HEATR4: variants seen among roughly 807,000 people sequenced by gnomAD.
HEATR4 encodes HEAT repeat-containing protein 4.
A neutral mutation model predicts 108.8 loss-of-function variants in HEATR4; 95 were observed. The observed-to-expected ratio is 0.87, with a 90% CI of 0.74 to 1.04. The LOEUF (loss-of-function observed/expected upper bound fraction) is 1.04. Ranked by LOEUF, HEATR4 falls within the 50% of genes least tolerant of loss-of-function variation. The pLI, the probability that HEATR4 is intolerant of heterozygous loss-of-function variation, is 0.00. For missense variants in HEATR4, 1,152 were observed against 1,253.8 expected (o/e 0.92, Z 1.23); for synonymous variants, 443 against 459.4 (o/e 0.96, Z 0.46).
At chr14:73,518,363 C>A (rs1344520458) in intron 5 of HEATR4, among the ~76,000 whole-genome samples, 1 of 150,784 alleles carries the variant, frequency 6.6e-6, no homozygotes, top group African/African-American at 2.4e-5. Context: ...GAGATCACGC[C>A]ACTGCACTCC....
chr14:73,491,737 A>C, intron 17 of HEATR4: 2 of 1,554,110 alleles, frequency 1.3e-6, no homozygotes, highest in East Asian at 2.4e-5. Context: ...ACTACCAGGG[A>C]CTTTTCTCTA....
the HEATR4 span, among the ~76,000 whole-genome samples, chr14:73,627,439 T>C: frequency 6.6e-6 from 1 of 152,174 alleles, no homozygotes; most frequent in Non-Finnish European, 1.5e-5. Flanking sequence ...TTTTCAGAAC[T>C]TCTGACTAAC....
chr14:73,630,035 A>C, the HEATR4 span, among the ~76,000 whole-genome samples: 2 of 152,122 alleles, frequency 1.3e-5, no homozygotes, highest in Non-Finnish European at 2.9e-5. Context: ...AAAAAAATAA[A>C]AAATAAAAAA....
chr14:73,561,379 G>GA (rs779545399), upstream of HEATR4, among the ~76,000 whole-genome samples: 25 of 147,718 alleles, frequency 1.7e-4, 1 homozygote, highest in Admixed American at 2.7e-4. Flanking sequence ...AAAAAAGAAA[G>GA]AAAAAAAAAG....
chr14:73,574,651 G>A, the HEATR4 span, among the ~76,000 whole-genome samples: 1 of 152,030 alleles, frequency 6.6e-6, no homozygotes, highest in African/African-American at 2.4e-5. Flanking sequence ...AAGATCATGG[G>A]AGATACGAGA....
chr14:73,605,107 A>G, the HEATR4 span, among the ~76,000 whole-genome samples: 2 of 152,166 alleles, frequency 1.3e-5, no homozygotes, highest in Non-Finnish European at 2.9e-5. Flanking sequence ...AAGAAAAAAA[A>G]AAAACCTTTT....
In HEATR4 at chr14:73,500,699, G is replaced by C; in HGVS notation, c.2137C>G (p.Arg713Gly). 1 of 1,613,942 alleles carries C rather than the reference G, an allele frequency of 6.2e-7. No homozygotes were observed. Among genetic ancestry groups the C allele is most frequent in the African/African-American group, 1.3e-5 (1 of 75,012 alleles). ...VKLGQGNSQE[R>G]VEALYLIGEL... ...CCTATCAGGTAGAGAGCTTCCACAC[G>C]CTCCTGGGAATTTCCTTGACCTAGC... The change falls in exon 12 of 18, where the codon CGT becomes GGT. Residue 713 changes from arginine (R) to glycine (G), a missense_variant. Arg to Gly is a moderately radical substitution (Grantham distance 125). Coordinates refer to ENST00000553558, the MANE Select transcript of HEATR4 (RefSeq NM_001220484.1).
chr14:73,478,798 G>A lies in HEATR4; in HGVS notation c.2889C>T (p.Val963=), dbSNP rs1432475804. ...RAPNPWLQSS[V]PGLTTRSKVR... is the part of the protein sequence containing the mutation. ...CTTTGCTTCGTGTGGTTAGGCCTGG[G>A]ACTGAACTTTGTAACCAGGGATTTG... Residue 963 remains valine (V), a synonymous_variant, in exon 18 of 18, where the codon GTC becomes GTT. Coordinates refer to ENST00000553558, the MANE Select transcript of HEATR4 (RefSeq NM_001220484.1). The A allele has an allele frequency of 1.2e-6, 2 of 1,611,494 alleles. No individual in the cohort carries two copies. The highest frequency in any genetic ancestry group is 1.7e-5 in the Admixed American group (1 of 59,082).
In HEATR4 at chr14:73,502,896, T is replaced by C; in HGVS notation, c.2104A>G (p.Arg702Gly). The C allele has an allele frequency of 6.2e-7, 1 of 1,609,528 alleles. No homozygotes were observed. The highest frequency in any genetic ancestry group is 8.5e-7 in the Non-Finnish European group (1 of 1,176,030). Residue 702 changes from arginine to glycine, a missense_variant and splice_region_variant, in exon 11 of 18, where the codon AGG becomes GGG. Coordinates refer to ENST00000553558, the MANE Select transcript of HEATR4 (RefSeq NM_001220484.1). ...SLGKEVHDIIRVKLGQGNSQE... is the reference protein window; with the variant it reads ...SLGKEVHDIIGVKLGQGNSQE... ...CTCCTCATGTTGACTGGGTCTTACC[T>C]GATTATGTCGTGCACCTCTTTCCCG...
the HEATR4 span, among the ~76,000 whole-genome samples, chr14:73,566,687 C>G: frequency 6.6e-6 from 1 of 152,164 alleles, no homozygotes; most frequent in Non-Finnish European, 1.5e-5. Context: ...AAGTGCGGAA[C>G]GCAGCCTCAG....
At chr14:73,589,277 T>C in the HEATR4 span, among the ~76,000 whole-genome samples, 1 of 152,196 alleles carries the variant, frequency 6.6e-6, no homozygotes, top group Non-Finnish European at 1.5e-5. Flanking sequence ...CTTTTTACTA[T>C]CTCCAATACT....
chr14:73,595,718 T>G, the HEATR4 span: 23 of 1,475,678 alleles, frequency 1.6e-5, no homozygotes, highest in African/African-American at 3.2e-4. Flanking sequence ...TAACCCTATG[T>G]GAATCAGATG....
At chr14:73,618,606 T>TA in the HEATR4 span, among the ~76,000 whole-genome samples, 1 of 128,384 alleles carries the variant, frequency 7.8e-6, no homozygotes, top group Admixed American at 8.4e-5. Context: ...TATGGTGGTA[T>TA]ATTTATCAAG....
intron 17 of HEATR4, among the ~76,000 whole-genome samples, chr14:73,487,033 C>T (rs142118962): frequency 0.034 from 4,694 of 138,512 alleles, 163 homozygotes; most frequent in East Asian, 0.18. Flanking sequence ...TTTGGGAGGC[C>T]AAGGCGGGCA....
intron 13 of HEATR4, 72 bp from the exon 14 acceptor site, chr14:73,498,416 A>C (rs552456013): frequency 7.3e-7 from 1 of 1,371,718 alleles, no homozygotes; most frequent in African/African-American, 1.5e-5. Context: ...AAATAAATTG[A>C]GTTTTGCAAA....
At chr14:73,506,806 T>TTTTTTTTTTTTTTTTTTTTG in intron 9 of HEATR4, among the ~76,000 whole-genome samples, 1 of 65,916 alleles carries the variant, frequency 1.5e-5, no homozygotes, top group African/African-American at 5.7e-5. Context: ...CTTTAACTGT[T>TTTTTTTTTTTTTTTTTTTTG]TTTTTTTTTT....
chr14:73,538,659 T>C lies in HEATR4; in HGVS notation c.-151-8415A>G, dbSNP rs1165311995. 5.0e-5 allele frequency among the ~76,000 whole-genome samples: 4 copies of C among 79,878 alleles called. 1 individual carries two copies. The highest frequency in any genetic ancestry group is 8.3e-4 in the South Asian group (2 of 2,402). 52.4% of individuals were successfully genotyped at this position (79,878 alleles called of 152,430 possible). On this transcript the variant is annotated intron_variant, in intron 1 of 17. Transcript: ENST00000553558. ...ATTGTAAGGAAAGAGAAAAGACACA[T>C]AATATTAAAAACAAACAAAACAAAA...
intron 14 of HEATR4, among the ~76,000 whole-genome samples, chr14:73,497,102 G>A (rs959789719): frequency 1.3e-5 from 2 of 152,208 alleles, no homozygotes; most frequent in Admixed American, 6.5e-5. Context: ...CACCATGTTG[G>A]CCAGGCTGGT....
intron 5 of HEATR4, among the ~76,000 whole-genome samples, chr14:73,514,864 C>T (rs575454966): frequency 2.0e-5 from 3 of 151,848 alleles, no homozygotes; most frequent in African/African-American, 4.8e-5. Context: ...GTCAGGAGAT[C>T]GAGACCATCC....
Sources: allele counts gnomAD v4.1 joint callset (sites outside exome capture counted in the v4.1 genomes callset), GRCh38; gene constraint gnomAD v4.1.1; transcripts MANE v1.5; gene names NCBI Gene and HGNC (gene_info 2026-07-23, HGNC 2026-07-21).